Variants in EVC observed in about 807,000 individuals in gnomAD.
EVC encodes EvC ciliary complex subunit 1, also known as evC complex member EVC.
In EVC, 116 loss-of-function variants were observed where a neutral mutation model predicts 118.9. The ratio of observed to expected loss-of-function variants is 0.98; its 90% CI spans 0.84 to 1.14. The LOEUF is 1.14. EVC is among the 50% of genes most tolerant of loss of function. The pLI, the probability that EVC is intolerant of heterozygous loss-of-function variation, is 0.00. For synonymous variants in EVC, 619 were observed against 534.7 expected (o/e 1.16, Z -2.18); for missense variants, 1,401 against 1,246.4 (o/e 1.12, Z -1.87).
intron 12 of EVC, among the ~76,000 whole-genome samples, chr4:5,786,425 T>C (rs757892269): frequency 1.0e-3 from 157 of 152,338 alleles, no homozygotes; most frequent in Middle Eastern, 6.8e-3. Context: ...GAATTTTTCT[T>C]GGCATGTGGG....
At chr4:5,801,805 C>G (rs929677455) in intron 15 of EVC, 145 bp from the exon 16 acceptor site, 13 of 839,024 alleles carry the variant, frequency 1.5e-5, no homozygotes, top group African/African-American at 5.1e-5. Flanking sequence ...CAGCCATGCA[C>G]TCTCTGCCTG....
chr4:5,758,011 G>C, intron 11 of EVC: 1 of 697,640 alleles, frequency 1.4e-6, no homozygotes, highest in Non-Finnish European at 2.6e-6. Context: ...TAATTGGTTA[G>C]ATCGCACAGT....
the EVC span, chr4:5,825,785 C>T: frequency 1.2e-6 from 1 of 869,384 alleles, no homozygotes; most frequent in Non-Finnish European, 1.8e-6. This position sits in a 1 kb window ranked among gnomAD's most constrained non-coding sequence, Gnocchi z 4.4. Context: ...TGCACACACA[C>T]ACACAACACG....
chr4:5,711,398 G>A lies in EVC; in HGVS notation c.18G>A (p.Ala6=). The A allele has an allele frequency of 9.8e-7, 1 of 1,015,480 alleles. No individual in the cohort carries two copies. Among genetic ancestry groups the A allele is most frequent in the Non-Finnish European group, 1.2e-6 (1 of 852,332 alleles). The allele number at this position is 1,015,480 out of a possible 1,614,324, so 62.9% of individuals were successfully genotyped here. A position where few individuals can be genotyped will look rare whatever the true frequency, so the allele number is the denominator to read the frequency against. MARGG[A]ACKSDARLLL... is the part of the protein sequence containing the mutation. ...CGCCCCGGATGGCCCGCGGCGGGGCGGCCTGCAAGAGCGACGCGCGGCTGC... is the reference window on the plus strand; with the variant it reads ...CGCCCCGGATGGCCCGCGGCGGGGCAGCCTGCAAGAGCGACGCGCGGCTGC... Residue 6 remains alanine, a synonymous_variant, in exon 1 of 21, where the codon GCG becomes GCA. Transcript: ENST00000264956.
intron 2 of EVC, among the ~76,000 whole-genome samples, chr4:5,728,660 G>C (rs1416009289): frequency 6.6e-6 from 1 of 152,218 alleles, no homozygotes; most frequent in African/African-American, 2.4e-5. Context: ...TATCTGGGAA[G>C]ACTGAGGTTC....
At chr4:5,787,332 G>A (rs1273926766) in intron 12 of EVC, among the ~76,000 whole-genome samples, 1 of 152,238 alleles carries the variant, frequency 6.6e-6, no homozygotes, top group Non-Finnish European at 1.5e-5. Flanking sequence ...TTGCGAATGT[G>A]ATTAAGCAAA....
At chr4:5,827,210 G>C in the EVC span, among the ~76,000 whole-genome samples, 2 of 152,222 alleles carry the variant, frequency 1.3e-5, no homozygotes, top group South Asian at 4.1e-4. Context: ...GCAGGCCTCA[G>C]CTTCAGACCA....
In EVC at chr4:5,783,578, T is replaced by C; in HGVS notation, c.1590T>C (p.Thr530=). 1 of 1,614,146 alleles carries C rather than the reference T, an allele frequency of 6.2e-7. No individual in the cohort carries two copies. Among genetic ancestry groups the C allele is most frequent in the Non-Finnish European group, 8.5e-7 (1 of 1,180,018 alleles). The stretch of plus-strand genomic sequence containing the variant: ...AGCTGTACTTCAGCACCGTGGACAC[T>C]TTCCAGAAGTTCGTGGATGCCCTGT... The part of the protein sequence containing the change: ...CQELYFSTVD[T]FQKFVDALFL... Residue 530 remains threonine (T), a synonymous_variant, in exon 12 of 21, where the codon ACT becomes ACC. Transcript: ENST00000264956.
intron 11 of EVC, among the ~76,000 whole-genome samples, chr4:5,759,208 T>A (rs1222191681): frequency 6.6e-6 from 1 of 152,166 alleles, no homozygotes; most frequent in Non-Finnish European, 1.5e-5. Flanking sequence ...AGGGTCAGTC[T>A]GAGGACAGAT....
intron 11 of EVC, among the ~76,000 whole-genome samples, chr4:5,767,374 G>A (rs13124718): frequency 0.56 from 63,782 of 112,990 alleles, 20,526 homozygotes; most frequent in Middle Eastern, 0.67. Context: ...CCCTGCCCCC[G>A]GAGATGGAAC....
At chr4:5,799,474 C>A (rs1046818431) in intron 15 of EVC, among the ~76,000 whole-genome samples, 1 of 152,192 alleles carries the variant, frequency 6.6e-6, no homozygotes, top group African/African-American at 2.4e-5. Flanking sequence ...TGATACATTT[C>A]CAGCCTCCAA....
chr4:5,747,341 G>A (rs1393168947), intron 7 of EVC, among the ~76,000 whole-genome samples: 1 of 152,168 alleles, frequency 6.6e-6, no homozygotes, highest in Non-Finnish European at 1.5e-5. Flanking sequence ...GCTGAGCCAA[G>A]ATGGAGGCAA....
At chr4:5,720,514 C>T (rs546912483) in intron 2 of EVC, among the ~76,000 whole-genome samples, 4 of 143,230 alleles carry the variant, frequency 2.8e-5, no homozygotes, top group South Asian at 2.1e-4. Context: ...CATCCTGTTC[C>T]GCAGCCTTAG....
downstream of EVC, among the ~76,000 whole-genome samples, chr4:5,817,731 T>G (rs1269407695): frequency 6.6e-6 from 1 of 152,172 alleles, no homozygotes; most frequent in African/African-American, 2.4e-5. Flanking sequence ...GTTACGCACT[T>G]ACGTCAGAAG....
chr4:5,752,246 C>T (rs1377685586), intron 8 of EVC, among the ~76,000 whole-genome samples: 1 of 152,140 alleles, frequency 6.6e-6, no homozygotes, highest in East Asian at 1.9e-4. Context: ...GTGCAGGGCC[C>T]TTGGCTGCCT....
chr4:5,778,956 G>A (rs1735167493), intron 11 of EVC, among the ~76,000 whole-genome samples: 1 of 152,078 alleles, frequency 6.6e-6, no homozygotes, highest in Non-Finnish European at 1.5e-5. Context: ...TTTTCTTCTA[G>A]GGTTTTTATG....
In EVC at chr4:5,755,203, A is replaced by T. The variant is rs1320529098; in HGVS notation, c.1465-1061A>T. Among the ~76,000 whole-genome samples, 4 of 152,080 alleles carry T rather than the reference A, an allele frequency of 2.6e-5. No homozygotes were observed. The highest frequency in any genetic ancestry group is 5.9e-5 in the Non-Finnish European group (4 of 68,004). ...AGATAAGGCTATTCAGCTCCTCGTT[A>T]TTTGGATATTTCTGGGCCCCTGTCC... On this transcript the variant is annotated intron_variant, in intron 10 of 20. Transcript: ENST00000264956. This position sits in a 1 kb window ranked among gnomAD's most constrained non-coding sequence, Gnocchi z 4.1.
At position 5,810,336 on chromosome 4, in the gene EVC, C is replaced by A. The variant is rs777914346; in HGVS notation, c.2783-3C>A. On this transcript the variant is annotated splice_polypyrimidine_tract_variant and splice_region_variant and intron_variant, in intron 19 of 20. Coordinates refer to ENST00000264956, the MANE Select transcript of EVC (RefSeq NM_153717.3). ...CATGCCTGGGTTCATCTGTCCTCTA[C>A]AGAGAAGCCCCTAAGGACTAAAAGG... 14 of 1,611,392 alleles carry A rather than the reference C, an allele frequency of 8.7e-6. No individual in the cohort carries two copies. The highest frequency in any genetic ancestry group is 1.7e-5 in the Admixed American group (1 of 59,746).
downstream of EVC, among the ~76,000 whole-genome samples, chr4:5,816,809 C>T (rs979785133): frequency 1.3e-5 from 2 of 152,018 alleles, no homozygotes; most frequent in Non-Finnish European, 2.9e-5. Context: ...GATATGTCCC[C>T]CAGTACACAT....
Sources: gnomAD v4.1 joint callset for allele counts (sites outside exome capture counted in the v4.1 genomes callset) on GRCh38, gnomAD v4.1.1 for gene constraint, Gnocchi (gnomAD v3.1) non-coding constraint, MANE v1.5 for transcripts, NCBI Gene and HGNC (gene_info 2026-07-23, HGNC 2026-07-21) for gene names.